Variants in C12orf54 observed in about 807,000 individuals in gnomAD.
The protein encoded by C12orf54 is uncharacterized protein C12orf54.
C12orf54 carries 24 observed loss-of-function variants against 26.4 expected under a neutral mutation model. That is an observed-to-expected ratio of 0.91 (90% CI 0.66 to 1.28). The LOEUF (loss-of-function observed/expected upper bound fraction) is 1.28, where lower values mean the gene tolerates loss of function less well. Among genes scored for constraint, C12orf54 ranks in the 50% most tolerant of loss-of-function variants. The probability of loss-of-function intolerance (pLI) is 0.00; values close to 1 mark genes in which losing one functional copy is unlikely to be tolerated. For missense variants in C12orf54, 154 were observed against 150.9 expected (o/e 1.02, Z -0.11); for synonymous variants, 54 against 47.0 (o/e 1.15, Z -0.61).
chr12:48,488,237 T>C (rs1345829853), intron 4 of C12orf54: 3 of 664,744 alleles, frequency 4.5e-6, no homozygotes, highest in African/African-American at 3.5e-5. Flanking sequence ...GCCGCAGCCA[T>C]CCAGAGACTG....
chr12:48,454,149 G>A, the C12orf54 span, among the ~76,000 whole-genome samples: 2 of 143,614 alleles, frequency 1.4e-5, no homozygotes, highest in South Asian at 2.2e-4. Context: ...CCAGGCTGGC[G>A]AGAAGTCGTG....
At chr12:48,460,853 C>G in the C12orf54 span, among the ~76,000 whole-genome samples, 7 of 151,900 alleles carry the variant, frequency 4.6e-5, no homozygotes, top group East Asian at 1.2e-3. Context: ...TACAAAGATG[C>G]AGGAAAAACA....
chr12:48,429,528 C>T, the C12orf54 span, among the ~76,000 whole-genome samples: 1 of 151,774 alleles, frequency 6.6e-6, no homozygotes, highest in African/African-American at 2.4e-5. Flanking sequence ...CCAACAGCAA[C>T]CAAGCAGAGA....
chr12:48,472,625 T>G, the C12orf54 span: 1 of 1,610,582 alleles, frequency 6.2e-7, no homozygotes, highest in East Asian at 2.2e-5. Context: ...ATTGGTTGAA[T>G]TCCGCTGGCT....
the C12orf54 span, among the ~76,000 whole-genome samples, chr12:48,451,955 G>A: frequency 2.0e-5 from 3 of 152,114 alleles, no homozygotes; most frequent in South Asian, 6.2e-4. Context: ...AACTACCATT[G>A]ATATTCTTCA....
chr12:48,470,635 T>A, the C12orf54 span, among the ~76,000 whole-genome samples: 1 of 152,156 alleles, frequency 6.6e-6, no homozygotes, highest in South Asian at 2.1e-4. Flanking sequence ...ACTGATGGCT[T>A]CTTTGGCTGT....
At chr12:48,443,916 T>C in the C12orf54 span, among the ~76,000 whole-genome samples, 1 of 152,208 alleles carries the variant, frequency 6.6e-6, no homozygotes, top group Non-Finnish European at 1.5e-5. Context: ...CCACTGTTTA[T>C]CCAAACACCG....
the C12orf54 span, among the ~76,000 whole-genome samples, chr12:48,470,083 C>G: frequency 8.5e-5 from 13 of 152,170 alleles, no homozygotes; most frequent in African/African-American, 3.1e-4. Flanking sequence ...TTTTCTTTAT[C>G]CAGTCTAACC....
Position 48,489,960 on chromosome 12 carries a change from G to C in C12orf54, c.169-852G>C, listed in dbSNP as rs1592202781. Among the ~76,000 whole-genome samples, 8 of 149,406 alleles carry C rather than the reference G, an allele frequency of 5.4e-5. No individual in the cohort carries two copies. In the South Asian group the frequency reaches 1.7e-3, roughly 32 times the overall value. On this transcript the variant is annotated intron_variant, in intron 5 of 8. Transcript: ENST00000548364. ...TGGTCTTGAACTCCTGACCTCAGGTGATCCACCCACCTCAGCCTCCCAAAG... is the reference window on the plus strand; with the variant it reads ...TGGTCTTGAACTCCTGACCTCAGGTCATCCACCCACCTCAGCCTCCCAAAG...
the C12orf54 span, among the ~76,000 whole-genome samples, chr12:48,426,026 C>G: frequency 1.3e-5 from 2 of 149,204 alleles, no homozygotes; most frequent in Non-Finnish European, 3.0e-5. Flanking sequence ...TTATCCCATT[C>G]TGTAGGTTGT....
the C12orf54 span, among the ~76,000 whole-genome samples, chr12:48,428,980 G>T: frequency 1.3e-5 from 2 of 152,152 alleles, no homozygotes; most frequent in South Asian, 4.1e-4. Flanking sequence ...GATCAAGAGG[G>T]TTTCATACCA....
the C12orf54 span, among the ~76,000 whole-genome samples, chr12:48,419,961 T>C: frequency 3.3e-5 from 5 of 152,228 alleles, no homozygotes; most frequent in Non-Finnish European, 7.3e-5. Context: ...CTTTTCTAGA[T>C]TGTTCTAATC....
the C12orf54 span, among the ~76,000 whole-genome samples, chr12:48,418,326 G>A: frequency 1.4e-4 from 21 of 152,158 alleles, no homozygotes; most frequent in African/African-American, 4.8e-4. Context: ...ATCAATAAGC[G>A]TGTGCTAGGG....
chr12:48,478,504 A>G (rs957956178), upstream of C12orf54, among the ~76,000 whole-genome samples: 4 of 152,154 alleles, frequency 2.6e-5, no homozygotes, highest in African/African-American at 7.2e-5. Context: ...AAACCCCATC[A>G]TCTCAGCCCA....
chr12:48,434,144 C>T, the C12orf54 span, among the ~76,000 whole-genome samples: 37 of 152,290 alleles, frequency 2.4e-4, no homozygotes, highest in East Asian at 5.2e-3. Context: ...GGGTCCTACA[C>T]CCATGGAGCC....
chr12:48,492,959 G>T lies in C12orf54; in HGVS notation c.206G>T (p.Cys69Phe). The part of the protein sequence containing the change: ...EDARIRGMSN[C>F]SMTPMTSAPR... ...GTGTCCACTTTAGGGATGAGCAACTGCTCCATGACACCCATGACATCAGCA... is the reference window on the plus strand; with the variant it reads ...GTGTCCACTTTAGGGATGAGCAACTTCTCCATGACACCCATGACATCAGCA... Residue 69 changes from cysteine to phenylalanine, a missense_variant, in exon 7 of 9, where the codon TGC becomes TTC. Cys to Phe is a radical substitution (Grantham distance 205). Coordinates refer to ENST00000548364, the MANE Select transcript of C12orf54 (RefSeq NM_152319.4). 1.2e-6 allele frequency: 2 copies of T among 1,614,068 alleles called. No homozygotes were observed. Among genetic ancestry groups the T allele is most frequent in the Non-Finnish European group, 1.7e-6 (2 of 1,179,972 alleles).
the C12orf54 span, among the ~76,000 whole-genome samples, chr12:48,467,322 C>G: frequency 6.6e-6 from 1 of 152,138 alleles, no homozygotes; most frequent in African/African-American, 2.4e-5. Flanking sequence ...CTGTCGACAC[C>G]TTGATTTCAG....
At chr12:48,489,076 T>C in intron 5 of C12orf54, 120 bp downstream of exon 5, 1 of 995,504 alleles carries the variant, frequency 1.0e-6, no homozygotes, top group Non-Finnish European at 1.6e-6. Context: ...TTTATTTTTC[T>C]AGTGATTTCT....
At chr12:48,418,052 G>A in the C12orf54 span, among the ~76,000 whole-genome samples, 1 of 152,298 alleles carries the variant, frequency 6.6e-6, no homozygotes, top group South Asian at 2.1e-4. Context: ...ACAGACCATA[G>A]CATTTGCCAA....
Sources: gnomAD v4.1 joint callset for allele counts (sites outside exome capture counted in the v4.1 genomes callset) on GRCh38, gnomAD v4.1.1 for gene constraint, MANE v1.5 for transcripts, NCBI Gene and HGNC (gene_info 2026-07-23, HGNC 2026-07-21) for gene names.